NHSL2: variants seen among roughly 807,000 people sequenced by gnomAD.
NHSL2 encodes the protein NHS-like protein 2.
Under a neutral mutation model 53.4 loss-of-function variants are expected in NHSL2, and 27 were observed. The observed-to-expected ratio is 0.51, with a 90% CI of 0.37 to 0.70. The LOEUF is 0.70. Ranked by LOEUF, NHSL2 falls within the 30% of genes least tolerant of loss-of-function variation. The pLI is 0.00. For missense variants in NHSL2, 892 were observed against 980.1 expected (o/e 0.91, Z 1.20); for synonymous variants, 408 against 404.1 (o/e 1.01, Z -0.12).
At chrX:72,018,295 G>A (rs754493299) in intron 1 of NHSL2, among the ~76,000 whole-genome samples, 289 of 111,495 alleles carry the variant, frequency 2.6e-3, no homozygotes, top group Middle Eastern at 4.6e-3. Context: ...GGTTAATCTA[G>A]GCCCTCCCCT....
At chrX:72,019,456 G>A (rs1488034071) in intron 1 of NHSL2, among the ~76,000 whole-genome samples, 1 of 112,308 alleles carries the variant, frequency 8.9e-6, no homozygotes, top group Admixed American at 9.4e-5. Context: ...GAACAAATGC[G>A]ATGATTTAGT....
Position 72,048,456 on chromosome X carries a change from C to T in NHSL2, c.281-83623C>T, listed in dbSNP as rs141264923. On this transcript the variant is annotated intron_variant, in intron 1 of 7. Coordinates refer to ENST00000633930, the MANE Select transcript of NHSL2 (RefSeq NM_001013627.3). Reference sequence around the variant, plus strand: ...GGGGAAAAGTGACAGAGCTCCTGTCCAATGGCCACCACTTTCTCGGAATTC... The same window carrying T: ...GGGGAAAAGTGACAGAGCTCCTGTCTAATGGCCACCACTTTCTCGGAATTC... Among the ~76,000 whole-genome samples the T allele has an allele frequency of 8.9e-3, 979 of 110,244 alleles. 16 individuals are homozygous for T. Among genetic ancestry groups the T allele is most frequent in the African/African-American group, 0.031 (926 of 30,225 alleles).
At chrX:72,055,905 T>C (rs1278714614) in intron 1 of NHSL2, among the ~76,000 whole-genome samples, 2 of 112,759 alleles carry the variant, frequency 1.8e-5, no homozygotes, top group Non-Finnish European at 3.8e-5. Flanking sequence ...CTTGAACAGA[T>C]GAAAGCATAT....
intron 1 of NHSL2, among the ~76,000 whole-genome samples, chrX:72,013,734 GT>G (rs888687179): frequency 3.6e-5 from 4 of 110,489 alleles, no homozygotes; most frequent in African/African-American, 1.3e-4. Flanking sequence ...GGTGTAAGTT[GT>G]ATGTAGATGC....
chrX:71,913,979 C>T lies in NHSL2; in HGVS notation c.280+2612C>T, dbSNP rs189406414. Among the ~76,000 whole-genome samples, 37 of 112,924 alleles carry T rather than the reference C, an allele frequency of 3.3e-4. 1 individual carries two copies. Among genetic ancestry groups the T allele is most frequent in the Middle Eastern group, 9.1e-3 (2 of 219 alleles). On this transcript the variant is annotated intron_variant, in intron 1 of 7. Transcript: ENST00000633930. The stretch of plus-strand genomic sequence containing the variant: ...GTGGACTGGGCTAGGCTAGTTGCCT[C>T]GCAACATCCCACCCACTCCACTGAA...
intron 1 of NHSL2, among the ~76,000 whole-genome samples, chrX:71,975,321 T>C (rs1366723718): frequency 2.7e-5 from 3 of 111,668 alleles, no homozygotes; most frequent in African/African-American, 6.5e-5. Context: ...TAAATCTCTG[T>C]TGGGAGCACA....
intron 1 of NHSL2, among the ~76,000 whole-genome samples, chrX:72,114,860 T>G (rs1184734505): frequency 8.9e-6 from 1 of 111,939 alleles, no homozygotes; most frequent in African/African-American, 3.2e-5. Flanking sequence ...TAGGCAGATA[T>G]GAGGGGAATT....
At chrX:71,991,888 T>C (rs988682601) in intron 1 of NHSL2, among the ~76,000 whole-genome samples, 1 of 111,059 alleles carries the variant, frequency 9.0e-6, no homozygotes, top group Non-Finnish European at 1.9e-5. Context: ...GCACTAAGAC[T>C]CCATAGAGAT....
At chrX:72,103,650 C>T (rs1305406747) in intron 1 of NHSL2, among the ~76,000 whole-genome samples, 4 of 112,375 alleles carry the variant, frequency 3.6e-5, no homozygotes, top group Middle Eastern at 4.6e-3. Flanking sequence ...CTACAACTAG[C>T]TTGATGGCTG....
intron 1 of NHSL2, among the ~76,000 whole-genome samples, chrX:72,027,997 C>T (rs1325344845): frequency 9.0e-6 from 1 of 111,544 alleles, no homozygotes; most frequent in Admixed American, 9.5e-5. Context: ...GCTGCTGCCG[C>T]TGCTGCTGCT....
At chrX:72,038,962 G>A (rs1166183591) in intron 1 of NHSL2, among the ~76,000 whole-genome samples, 1 of 111,872 alleles carries the variant, frequency 8.9e-6, no homozygotes, top group African/African-American at 3.2e-5. Flanking sequence ...ATACCAGTTT[G>A]TAGAAGCAGA....
intron 1 of NHSL2, among the ~76,000 whole-genome samples, chrX:72,017,943 C>T (rs778585952): frequency 1.7e-4 from 19 of 110,700 alleles, no homozygotes; most frequent in Non-Finnish European, 3.4e-4. Flanking sequence ...CCTGCTGAGC[C>T]TGCTGGGGTC....
chrX:71,944,281 T>C (rs966548314), intron 1 of NHSL2, among the ~76,000 whole-genome samples: 16 of 112,198 alleles, frequency 1.4e-4, no homozygotes, highest in African/African-American at 5.2e-4. Flanking sequence ...CAGCTACAAA[T>C]TGGAGTTCTG....
chrX:71,969,307 T>TTTTTTTTTTTTC (rs1175879792), intron 1 of NHSL2, among the ~76,000 whole-genome samples: 3 of 93,117 alleles, frequency 3.2e-5, no homozygotes, highest in African/African-American at 8.5e-5. Context: ...TCTTTTTTTC[T>TTTTTTTTTTTTC]TTTTTTTTTT....
chrX:72,086,372 C>A (rs1419895322), intron 1 of NHSL2, among the ~76,000 whole-genome samples: 1 of 111,805 alleles, frequency 8.9e-6, no homozygotes, highest in African/African-American at 3.3e-5. Flanking sequence ...GCGCAGGGGT[C>A]GGCTTTCTGC....
Position 72,140,896 on chromosome X carries a change from C to T in NHSL2, c.3223+125C>T, listed in dbSNP as rs186211382. 131 of 589,329 alleles carry T rather than the reference C, an allele frequency of 2.2e-4. 1 individual carries two copies. In the African/African-American group the frequency reaches 2.3e-3, roughly 10 times the overall value. The allele number at this position is 589,329 out of a possible 1,213,427, so 48.6% of individuals were successfully genotyped here. On this transcript the variant is annotated intron_variant, in intron 6 of 7. Coordinates refer to ENST00000633930, the MANE Select transcript of NHSL2 (RefSeq NM_001013627.3). Reference sequence around the variant, plus strand: ...CTGATCCCAAGTCAGTAGCGGGCACCCTTTGAGGGTTTGAGTTACTCTAAA... The same window carrying T: ...CTGATCCCAAGTCAGTAGCGGGCACTCTTTGAGGGTTTGAGTTACTCTAAA...
At chrX:72,115,729 G>A (rs1339007648) in intron 1 of NHSL2, among the ~76,000 whole-genome samples, 2 of 111,131 alleles carry the variant, frequency 1.8e-5, no homozygotes, top group Non-Finnish European at 3.8e-5. Context: ...GGTGACAGAA[G>A]GAAATAAGAA....
intron 1 of NHSL2, among the ~76,000 whole-genome samples, chrX:72,032,765 A>T (rs1457622779): frequency 1.8e-5 from 2 of 110,482 alleles, no homozygotes; most frequent in African/African-American, 3.3e-5. Flanking sequence ...AGGCTGAGGC[A>T]GGAGAATTGC....
intron 1 of NHSL2, among the ~76,000 whole-genome samples, chrX:71,987,201 A>G (rs2042006940): frequency 9.2e-6 from 1 of 109,244 alleles, no homozygotes; most frequent in Non-Finnish European, 1.9e-5. Flanking sequence ...ACAGAGCGAG[A>G]CTCCGTATCA....
Sources: gnomAD v4.1 joint callset for allele counts (sites outside exome capture counted in the v4.1 genomes callset) on GRCh38, gnomAD v4.1.1 for gene constraint, MANE v1.5 for transcripts, NCBI Gene and HGNC (gene_info 2026-07-23, HGNC 2026-07-21) for gene names.